CLCN3: variants seen among roughly 807,000 people sequenced by gnomAD.
CLCN3 encodes the protein Cl-/H+ antiporter 3.
In CLCN3, 16 loss-of-function variants were observed where a neutral mutation model predicts 83.4. The observed-to-expected ratio is 0.19, with a 90% CI of 0.13 to 0.29. CLCN3 has a LOEUF of 0.29. Among genes scored for constraint, CLCN3 ranks in the 10% least tolerant of loss-of-function variants. CLCN3 has a pLI of 1.00. For missense variants in CLCN3, 544 were observed against 1,006.0 expected, an observed-to-expected ratio of 0.54 and a Z score of 6.21; for synonymous variants, 322 against 346.2, an observed-to-expected ratio of 0.93 and a Z score of 0.78.
In CLCN3 at chr4:169,681,558, C is replaced by G. The variant is rs537249714; in HGVS notation, c.318+1351C>G. Among the ~76,000 whole-genome samples the G allele has an allele frequency of 2.0e-5, 3 of 152,248 alleles. No homozygotes were observed. The South Asian group carries it at 6.2e-4, about 32-fold the overall frequency. On this transcript the variant is annotated intron_variant, in intron 3 of 12. Transcript: ENST00000513761. ...AAAAATAAAATACAGTACATGAAAT[C>G]CAGTGCTTTAATCCAGTGATTCTTA...
chr4:169,711,958 G>C (rs989144891), intron 11 of CLCN3, among the ~76,000 whole-genome samples: 1 of 151,714 alleles, frequency 6.6e-6, no homozygotes, highest in Middle Eastern at 3.5e-3. Flanking sequence ...CTGACCTTCC[G>C]GGCTCAAGTG....
chr4:169,670,413 A>G (rs1310986828), intron 2 of CLCN3, among the ~76,000 whole-genome samples: 2 of 152,134 alleles, frequency 1.3e-5, no homozygotes, highest in African/African-American at 4.8e-5. Context: ...TTTGCTGAAG[A>G]TCAGATGATT....
chr4:169,688,350 G>T (rs1470231752), intron 4 of CLCN3, among the ~76,000 whole-genome samples: 1 of 152,176 alleles, frequency 6.6e-6, no homozygotes, highest in Non-Finnish European at 1.5e-5. Context: ...TTAAGAAAGA[G>T]CTGTTGAGGA....
chr4:169,652,879 A>G (rs1730768094), intron 2 of CLCN3, among the ~76,000 whole-genome samples: 2 of 152,152 alleles, frequency 1.3e-5, no homozygotes, highest in Admixed American at 6.5e-5. Context: ...TTTCATGTCT[A>G]TTTGGAAATC....
rs773500604 is a variant in CLCN3 at position 169,689,227 on chromosome 4, A to C, written c.603A>C (p.Ala201=). The C allele has an allele frequency of 6.2e-7, 1 of 1,610,448 alleles. No homozygotes were observed. Among genetic ancestry groups the C allele is most frequent in the Non-Finnish European group, 8.5e-7 (1 of 1,178,152 alleles). ...GGGCAGAATTAATCATAGGTCAAGC[A>C]GAGGTAAGTCTTGCTTTGTCTCAAG... ...KTWAELIIGQ[A]EGPGSYIMNY... is the part of the protein sequence containing the mutation. Residue 201 remains alanine, a synonymous_variant, in exon 5 of 13, where the codon GCA becomes GCC. Coordinates refer to ENST00000513761, the MANE Select transcript of CLCN3 (RefSeq NM_001829.4).
At chr4:169,707,674 CTCTT>C (rs2150267905) in intron 11 of CLCN3, among the ~76,000 whole-genome samples, 1 of 152,268 alleles carries the variant, frequency 6.6e-6, no homozygotes, top group South Asian at 2.1e-4. Context: ...CTTCATCAGT[CTCTT>C]TCATATTAGA....
chr4:169,690,137 CTT>C (rs397769904), intron 5 of CLCN3, among the ~76,000 whole-genome samples: 3 of 110,464 alleles, frequency 2.7e-5, no homozygotes, highest in African/African-American at 3.6e-5. Flanking sequence ...TCTTTTCTTT[CTT>C]TTTTTTTTTT....
intron 3 of CLCN3, among the ~76,000 whole-genome samples, chr4:169,685,924 T>C (rs1480338824): frequency 6.6e-6 from 1 of 152,160 alleles, no homozygotes; most frequent in Non-Finnish European, 1.5e-5. Context: ...GGGGTAAAAT[T>C]GCCTCATTCA....
Position 169,697,323 on chromosome 4 carries a change from A to T in CLCN3, c.1152A>T (p.Pro384=), listed in dbSNP as rs753231144. 1.2e-5 allele frequency: 19 copies of T among 1,613,954 alleles called. 1 individual carries two copies. Among genetic ancestry groups the T allele is most frequent in the Non-Finnish European group, 1.5e-5 (18 of 1,180,020 alleles). The change falls in exon 9 of 13, where the codon CCA becomes CCT. Residue 384 remains proline, a synonymous_variant. Transcript: ENST00000513761. ...TTTTTTATGTGGAGTATCATACACC[A>T]TGGTACCTTTTTGAACTGTTTCCTT... ...LVLFYVEYHT[P]WYLFELFPFI...
At chr4:169,625,117 G>A (rs992734169) in intron 1 of CLCN3, among the ~76,000 whole-genome samples, 1 of 152,178 alleles carries the variant, frequency 6.6e-6, no homozygotes, top group African/African-American at 2.4e-5. Flanking sequence ...TCTGTGACTA[G>A]TACTTAGCAC....
At chr4:169,653,918 A>G (rs1354770026) in intron 2 of CLCN3, among the ~76,000 whole-genome samples, 1 of 152,184 alleles carries the variant, frequency 6.6e-6, no homozygotes, top group Non-Finnish European at 1.5e-5. Context: ...CACCTCCATG[A>G]AACAAACACC....
intron 5 of CLCN3, among the ~76,000 whole-genome samples, chr4:169,690,271 G>A (rs1189776628): frequency 3.4e-5 from 5 of 148,854 alleles, no homozygotes; most frequent in East Asian, 2.0e-4. Context: ...TCAGCCTCCC[G>A]AGTAGCTGGT....
chr4:169,672,220 T>TGATAGATAGATAGATAGATA (rs70964217), intron 2 of CLCN3, among the ~76,000 whole-genome samples: 7,522 of 145,518 alleles, frequency 0.052, 257 homozygotes, highest in Non-Finnish European at 0.057. Flanking sequence ...TCAAAATAAA[T>TGATAGATAGATAGATAGATA]GATAGATAGA....
intron 2 of CLCN3, among the ~76,000 whole-genome samples, chr4:169,676,547 C>T (rs967422397): frequency 1.8e-4 from 28 of 151,446 alleles, no homozygotes; most frequent in African/African-American, 6.1e-4. Context: ...GCTCTTGGCC[C>T]GGTTGAAATG....
chr4:169,718,126 G>T (rs2150280298), intron 12 of CLCN3, among the ~76,000 whole-genome samples: 1 of 152,230 alleles, frequency 6.6e-6, no homozygotes, highest in Non-Finnish European at 1.5e-5. Flanking sequence ...TAAACAGTTT[G>T]GTAGTGGAAT....
chr4:169,620,823 G>A lies in CLCN3; in HGVS notation c.-257G>A. 2.5e-6 allele frequency: 1 copy of A among 398,576 alleles called. No homozygotes were observed. The highest frequency in any genetic ancestry group is 4.4e-6 in the Non-Finnish European group (1 of 226,058). 24.7% of individuals were successfully genotyped at this position (398,576 alleles called of 1,614,324 possible). A position where few individuals can be genotyped will look rare whatever the true frequency, so the allele number is the denominator to read the frequency against. On this transcript the variant is annotated 5_prime_UTR_variant, in exon 1 of 13. Coordinates refer to ENST00000513761, the MANE Select transcript of CLCN3 (RefSeq NM_001829.4). ...ACTCTAGGGATCTCCAGAGCGAGAGGATTTAACTTCATGTTGCTCCCGTGT... is the reference window on the plus strand; with the variant it reads ...ACTCTAGGGATCTCCAGAGCGAGAGAATTTAACTTCATGTTGCTCCCGTGT...
chr4:169,625,470 T>C lies in CLCN3; in HGVS notation c.-17+4407T>C, dbSNP rs376725618. 1.3e-4 allele frequency among the ~76,000 whole-genome samples: 20 copies of C among 152,268 alleles called. No homozygotes were observed. In the East Asian group the frequency reaches 2.3e-3, roughly 18 times the overall value. On this transcript the variant is annotated intron_variant, in intron 1 of 12. Coordinates refer to ENST00000513761, the MANE Select transcript of CLCN3 (RefSeq NM_001829.4). Reference sequence around the variant, plus strand: ...ATTTCCATGGTTTTCCTATTTTTGCTCCCCTCCCCAAATTCTGGTGGCATA... The same window carrying C: ...ATTTCCATGGTTTTCCTATTTTTGCCCCCCTCCCCAAATTCTGGTGGCATA...
chr4:169,705,099 G>A (rs907712146), intron 10 of CLCN3, among the ~76,000 whole-genome samples: 4 of 152,200 alleles, frequency 2.6e-5, no homozygotes, highest in Admixed American at 1.3e-4. Context: ...AAGGTTAAAA[G>A]AGTCTAAGTA....
rs541460043 is a variant in CLCN3, at chr4:169,638,675, T to G, written c.160+2587T>G. The stretch of plus-strand genomic sequence containing the variant: ...TAGGAAGAGCTGACTCCTTCCACCT[T>G]CCCACGTTGCCGTCAAGTGCTGGTG... On this transcript the variant is annotated intron_variant, in intron 2 of 12. Coordinates refer to ENST00000513761, the MANE Select transcript of CLCN3 (RefSeq NM_001829.4). Among the ~76,000 whole-genome samples the G allele has an allele frequency of 5.3e-4, 81 of 152,292 alleles. 1 individual carries two copies. Among genetic ancestry groups the G allele is most frequent in the African/African-American group, 1.9e-3 (78 of 41,556 alleles).
Sources: allele counts gnomAD v4.1 joint callset (sites outside exome capture counted in the v4.1 genomes callset), GRCh38; gene constraint gnomAD v4.1.1; transcripts MANE v1.5; gene names NCBI Gene and HGNC (gene_info 2026-07-23, HGNC 2026-07-21).